The following PTPRK variants were observed in gnomAD, a reference collection of about 807,000 sequenced individuals.
The protein encoded by PTPRK is receptor-type tyrosine-protein phosphatase kappa.
A neutral mutation model predicts 178.0 loss-of-function variants in PTPRK; 75 were observed. That is an observed-to-expected ratio of 0.42 (90% CI 0.35 to 0.51). PTPRK has a LOEUF of 0.51. Among genes scored for constraint, PTPRK ranks in the 20% least tolerant of loss-of-function variants. The pLI is 0.02. For synonymous variants in PTPRK, 637 were observed against 620.6 expected, an observed-to-expected ratio of 1.03 and a Z score of -0.39; for missense variants, 1,441 against 1,797.8, an observed-to-expected ratio of 0.80 and a Z score of 3.59.
chr6:128,451,328 A>C (rs551025419), intron 1 of PTPRK, among the ~76,000 whole-genome samples: 1 of 152,236 alleles, frequency 6.6e-6, no homozygotes, highest in South Asian at 2.1e-4. Context: ...TATTTTAACA[A>C]AACAGAGTAT....
intron 5 of PTPRK, chr6:128,235,589 A>G (rs751360955): frequency 2.0e-6 from 1 of 509,506 alleles, no homozygotes; most frequent in South Asian, 1.5e-5. Context: ...CCTTCTGTCA[A>G]TCACAGTCTG....
intron 10 of PTPRK, among the ~76,000 whole-genome samples, chr6:128,080,404 A>C (rs1784609898): frequency 6.6e-6 from 1 of 152,100 alleles, no homozygotes; most frequent in Admixed American, 6.6e-5. Flanking sequence ...GATTAAAGAT[A>C]GATATAGAAA....
At chr6:128,350,465 C>T (rs1832974561) in intron 2 of PTPRK, among the ~76,000 whole-genome samples, 1 of 152,078 alleles carries the variant, frequency 6.6e-6, no homozygotes, top group African/African-American at 2.4e-5. Context: ...AAGGTAGAGG[C>T]AGTGCACAGA....
At chr6:128,444,924 A>C (rs1160438370) in intron 1 of PTPRK, among the ~76,000 whole-genome samples, 1 of 152,154 alleles carries the variant, frequency 6.6e-6, no homozygotes, top group Non-Finnish European at 1.5e-5. Flanking sequence ...AAAATAGTTC[A>C]TTGGACTGCT....
At position 128,079,065 on chromosome 6, in the gene PTPRK, A is replaced by G. The variant is rs576902742; in HGVS notation, c.1778-147T>C. On this transcript the variant is annotated intron_variant, in intron 10 of 29. Coordinates refer to ENST00000368226, the MANE Select transcript of PTPRK (RefSeq NM_002844.4). Reference sequence around the variant, plus strand: ...TTTGTTTTATAGCATAACATCTCCAAATGAATTTCAACTCTGGGAACTTAA... The same window carrying G: ...TTTGTTTTATAGCATAACATCTCCAGATGAATTTCAACTCTGGGAACTTAA... 2.8e-4 allele frequency: 130 copies of G among 472,466 alleles called. No individual in the cohort carries two copies. In the East Asian group the frequency reaches 4.0e-3, roughly 14 times the overall value. The allele number at this position is 472,466 out of a possible 1,614,324, so 29.3% of individuals were successfully genotyped here.
At chr6:128,193,399 A>T (rs7753945) in intron 6 of PTPRK, among the ~76,000 whole-genome samples, 15,253 of 151,868 alleles carry the variant, frequency 0.1, 1,467 homozygotes, top group East Asian at 0.35. Flanking sequence ...AAGAAAACAC[A>T]CCGATTTATA....
chr6:127,983,175 C>A, intron 23 of PTPRK, 67 bp downstream of exon 23: 1 of 1,393,366 alleles, frequency 7.2e-7, no homozygotes, highest in East Asian at 2.5e-5. Context: ...ATATGAGAGA[C>A]ATCTACTCTT....
chr6:128,032,102 T>C (rs1369521276), intron 13 of PTPRK, among the ~76,000 whole-genome samples: 2 of 152,206 alleles, frequency 1.3e-5, no homozygotes, highest in Admixed American at 6.5e-5. Flanking sequence ...CAAAATTCTA[T>C]CTGATTTTGA....
chr6:128,296,868 A>G (rs1224563472), intron 3 of PTPRK, among the ~76,000 whole-genome samples: 4 of 152,288 alleles, frequency 2.6e-5, no homozygotes, highest in East Asian at 3.9e-4. Context: ...AAATTCACAC[A>G]TAACAATATT....
chr6:128,497,877 C>G (rs1854956309), intron 1 of PTPRK, among the ~76,000 whole-genome samples: 1 of 151,532 alleles, frequency 6.6e-6, no homozygotes, highest in Non-Finnish European at 1.5e-5. Context: ...ACTTTAAAAT[C>G]TGAACTGTAG....
chr6:128,068,120 A>T (rs1390012634), intron 11 of PTPRK, among the ~76,000 whole-genome samples: 1 of 152,216 alleles, frequency 6.6e-6, no homozygotes, highest in Non-Finnish European at 1.5e-5. Context: ...TCATAGATTC[A>T]GTTCTTTGTC....
chr6:128,375,681 T>C (rs1017264459), intron 2 of PTPRK, among the ~76,000 whole-genome samples: 1 of 152,206 alleles, frequency 6.6e-6, no homozygotes, highest in African/African-American at 2.4e-5. Flanking sequence ...AACTCAAAAG[T>C]CCACAGTCCA....
intron 1 of PTPRK, among the ~76,000 whole-genome samples, chr6:128,463,498 C>T (rs1358679555): frequency 6.6e-6 from 1 of 152,038 alleles, no homozygotes; most frequent in East Asian, 1.9e-4. Context: ...ACCTTGATGC[C>T]ACATCTATCC....
intron 13 of PTPRK, among the ~76,000 whole-genome samples, chr6:128,051,692 T>G (rs541913905): frequency 6.6e-6 from 1 of 152,172 alleles, no homozygotes; most frequent in East Asian, 1.9e-4. Flanking sequence ...ATGGGTATCC[T>G]GCAAGGAGCT....
intron 2 of PTPRK, among the ~76,000 whole-genome samples, chr6:128,382,965 A>C (rs1838161121): frequency 6.6e-6 from 1 of 152,120 alleles, no homozygotes. Context: ...GGCTTATATA[A>C]ATTTTATTAC....
intron 6 of PTPRK, among the ~76,000 whole-genome samples, chr6:128,186,520 T>C (rs1802790783): frequency 6.6e-6 from 1 of 152,144 alleles, no homozygotes; most frequent in Non-Finnish European, 1.5e-5. Flanking sequence ...ACAACATCCA[T>C]TCCTGATAGT....
At chr6:128,473,995 C>T (rs903035927) in intron 1 of PTPRK, among the ~76,000 whole-genome samples, 6 of 152,028 alleles carry the variant, frequency 3.9e-5, no homozygotes, top group Admixed American at 2.0e-4. Flanking sequence ...TGTAACCTAA[C>T]GGGCCACAGA....
chr6:128,176,553 T>C (rs897325285), intron 7 of PTPRK, among the ~76,000 whole-genome samples: 1 of 151,848 alleles, frequency 6.6e-6, no homozygotes, highest in African/African-American at 2.4e-5. Flanking sequence ...ATTTCTGCCC[T>C]TTGAAGTTCA....
intron 1 of PTPRK, among the ~76,000 whole-genome samples, chr6:128,411,839 G>A (rs1210024880): frequency 6.6e-6 from 1 of 152,094 alleles, no homozygotes. Flanking sequence ...TAATATTTTG[G>A]TTTATATTTA....
Sources: gnomAD v4.1 joint callset for allele counts (sites outside exome capture counted in the v4.1 genomes callset) on GRCh38, gnomAD v4.1.1 for gene constraint, MANE v1.5 for transcripts, NCBI Gene and HGNC (gene_info 2026-07-23, HGNC 2026-07-21) for gene names.